Variants in GABRB2 observed in about 807,000 individuals in gnomAD.
GABRB2 encodes gamma-aminobutyric acid receptor subunit beta-2.
A neutral mutation model predicts 54.7 loss-of-function variants in GABRB2; 16 were observed. That is an observed-to-expected ratio of 0.29 (90% CI 0.20 to 0.44). GABRB2 has a LOEUF of 0.44. GABRB2 is among the 20% of genes least tolerant of loss of function. GABRB2 has a pLI of 1.00. For synonymous variants in GABRB2, 244 were observed against 233.8 expected (o/e 1.04, Z -0.40); for missense variants, 355 against 644.0 (o/e 0.55, Z 4.86).
intron 5 of GABRB2, among the ~76,000 whole-genome samples, chr5:161,361,181 C>T (rs113713012): frequency 2.0e-4 from 31 of 151,932 alleles, no homozygotes; most frequent in African/African-American, 7.5e-4. Flanking sequence ...ATTGTATGGG[C>T]TTCATTTCAA....
chr5:161,481,341 T>C (rs1309385846), intron 3 of GABRB2, among the ~76,000 whole-genome samples: 2 of 152,078 alleles, frequency 1.3e-5, no homozygotes, highest in Non-Finnish European at 2.9e-5. Context: ...TATTGTCATT[T>C]TCAGTACTTT....
intron 3 of GABRB2, among the ~76,000 whole-genome samples, chr5:161,518,690 C>T (rs1343135692): frequency 1.3e-5 from 2 of 152,172 alleles, no homozygotes; most frequent in African/African-American, 2.4e-5. Context: ...TAAAAATACT[C>T]ACATCATGGA....
Position 161,506,680 on chromosome 5 carries a change from A to G in GABRB2, c.237+38547T>C, listed in dbSNP as rs148762462. Among the ~76,000 whole-genome samples, 309 of 152,240 alleles carry G rather than the reference A, an allele frequency of 2.0e-3. 3 individuals are homozygous for G. The highest frequency in any genetic ancestry group is 7.0e-3 in the African/African-American group (289 of 41,560). On this transcript the variant is annotated intron_variant, in intron 3 of 9. Transcript: ENST00000393959. ...ATAGTTATTATGTACCTCTTTTGGA[A>G]GAAGTTTACCAACCACTACTCTAAC...
intron 3 of GABRB2, among the ~76,000 whole-genome samples, chr5:161,495,586 A>C (rs1759215062): frequency 6.6e-6 from 1 of 152,094 alleles, no homozygotes; most frequent in Non-Finnish European, 1.5e-5. Flanking sequence ...TTAACAACTC[A>C]AAATAGTGTA....
At chr5:161,460,945 C>G (rs2113267915) in intron 3 of GABRB2, among the ~76,000 whole-genome samples, 1 of 152,166 alleles carries the variant, frequency 6.6e-6, no homozygotes, top group East Asian at 1.9e-4. Flanking sequence ...AAAGAACATG[C>G]TGAGCAGAGG....
intron 3 of GABRB2, among the ~76,000 whole-genome samples, chr5:161,530,641 A>G (rs1412224357): frequency 1.3e-5 from 2 of 152,062 alleles, no homozygotes; most frequent in African/African-American, 4.8e-5. Context: ...CATTCCCCCA[A>G]ATCTGAAGGA....
chr5:161,446,426 T>A (rs1296958697), intron 4 of GABRB2, among the ~76,000 whole-genome samples: 1 of 152,186 alleles, frequency 6.6e-6, no homozygotes, highest in African/African-American at 2.4e-5. Flanking sequence ...TCAAAGTGAA[T>A]AATTGCATTC....
chr5:161,459,513 T>C (rs1758057622), intron 4 of GABRB2, 111 bp downstream of exon 4: 3 of 920,092 alleles, frequency 3.3e-6, no homozygotes, highest in African/African-American at 3.3e-5. Context: ...CTTAACTGTT[T>C]CTTAGTAGAA....
chr5:161,485,906 C>A (rs537844495), intron 3 of GABRB2, among the ~76,000 whole-genome samples: 1 of 151,778 alleles, frequency 6.6e-6, no homozygotes, highest in Non-Finnish European at 1.5e-5. Context: ...TAGGAAAGCA[C>A]CTGCCTGGGA....
In GABRB2 at chr5:161,346,783, G is replaced by A. The variant is rs142683868; in HGVS notation, c.542-10014C>T. On this transcript the variant is annotated intron_variant, in intron 5 of 9. Coordinates refer to ENST00000393959, the MANE Select transcript of GABRB2 (RefSeq NM_001371727.1). The stretch of plus-strand genomic sequence containing the variant: ...CCCTTATCTGTGCTATCCTCTCTTA[G>A]CACTTAGTACATTTAATTGAAATTA... 1.6e-4 allele frequency among the ~76,000 whole-genome samples: 24 copies of A among 152,178 alleles called. No homozygotes were observed. The East Asian group carries it at 4.5e-3, about 28-fold the overall frequency.
chr5:161,300,128 AAG>A (rs1757494482), intron 9 of GABRB2, among the ~76,000 whole-genome samples: 1 of 152,154 alleles, frequency 6.6e-6, no homozygotes, highest in Non-Finnish European at 1.5e-5. Context: ...TCAAGAGCAA[AAG>A]TATAGGAGAT....
At chr5:161,444,433 A>G (rs1014711884) in intron 4 of GABRB2, among the ~76,000 whole-genome samples, 1 of 152,188 alleles carries the variant, frequency 6.6e-6, no homozygotes, top group Admixed American at 6.6e-5. Context: ...GACTCATTCT[A>G]TGCTAGGAGG....
intron 4 of GABRB2, among the ~76,000 whole-genome samples, chr5:161,420,056 A>T (rs376291583): frequency 6.6e-6 from 1 of 152,228 alleles, no homozygotes; most frequent in East Asian, 1.9e-4. Context: ...CTGTTTCAAA[A>T]GTGATTAATT....
intron 9 of GABRB2, among the ~76,000 whole-genome samples, chr5:161,294,742 A>C (rs1757335712): frequency 6.6e-6 from 1 of 152,190 alleles, no homozygotes; most frequent in African/African-American, 2.4e-5. Context: ...AAGGCATGGT[A>C]CCCTTTTGAA....
At chr5:161,459,512 T>C in intron 4 of GABRB2, 112 bp downstream of exon 4, 1 of 913,722 alleles carries the variant, frequency 1.1e-6, no homozygotes, top group Non-Finnish European at 1.7e-6. Context: ...GCTTAACTGT[T>C]TCTTAGTAGA....
At chr5:161,443,749 C>T (rs1435799181) in intron 4 of GABRB2, among the ~76,000 whole-genome samples, 1 of 152,178 alleles carries the variant, frequency 6.6e-6, no homozygotes, top group Non-Finnish European at 1.5e-5. Context: ...CAGCATTTTT[C>T]TCCTCCTTGG....
intron 3 of GABRB2, among the ~76,000 whole-genome samples, chr5:161,506,140 C>T (rs1024161906): frequency 6.6e-6 from 1 of 151,920 alleles, no homozygotes; most frequent in Non-Finnish European, 1.5e-5. Flanking sequence ...AGCAATTATA[C>T]ATCAGGAAAA....
At chr5:161,448,032 A>G (rs1392143900) in intron 4 of GABRB2, among the ~76,000 whole-genome samples, 1 of 152,170 alleles carries the variant, frequency 6.6e-6, no homozygotes, top group East Asian at 1.9e-4. Flanking sequence ...TCAATATAGA[A>G]TCAAGAAACT....
At chr5:161,407,397 G>A (rs568331731) in intron 5 of GABRB2, among the ~76,000 whole-genome samples, 2 of 152,168 alleles carry the variant, frequency 1.3e-5, no homozygotes, top group East Asian at 1.9e-4. Flanking sequence ...ATGTCCTCCT[G>A]ACAATGTGAT....
Sources: gnomAD v4.1 joint callset for allele counts (sites outside exome capture counted in the v4.1 genomes callset) on GRCh38, gnomAD v4.1.1 for gene constraint, MANE v1.5 for transcripts, NCBI Gene and HGNC (gene_info 2026-07-23, HGNC 2026-07-21) for gene names.